The following ANKRD52 variants were observed in gnomAD, a reference collection of about 807,000 sequenced individuals.
The protein encoded by ANKRD52 is serine/threonine-protein phosphatase 6 regulatory ankyrin repeat subunit C.
ANKRD52 carries 7 observed loss-of-function variants against 116.0 expected under a neutral mutation model. That is an observed-to-expected ratio of 0.06 (90% CI 0.03 to 0.11). ANKRD52 has a LOEUF of 0.11. ANKRD52 is among the 10% of genes least tolerant of loss of function. The pLI, the probability that ANKRD52 is intolerant of heterozygous loss-of-function variation, is 1.00. For synonymous variants in ANKRD52, 528 were observed against 578.1 expected (o/e 0.91, Z 1.24); for missense variants, 839 against 1,408.6 (o/e 0.60, Z 6.47).
chr12:56,258,113 C>T, intron 1 of ANKRD52, 130 bp downstream of exon 1: 1 of 1,468,626 alleles, frequency 6.8e-7, no homozygotes, highest in Non-Finnish European at 9.2e-7. Context: ...GAGGGGAGCG[C>T]GGCATGGGGC....
chr12:56,247,488 C>G lies in ANKRD52; in HGVS notation c.2184+5G>C. 6.4e-7 allele frequency: 1 copy of G among 1,565,388 alleles called. No individual in the cohort carries two copies. The highest frequency in any genetic ancestry group is 1.2e-5 in the South Asian group (1 of 85,054). On this transcript the variant is annotated splice_donor_5th_base_variant and intron_variant, in intron 20 of 27. Coordinates refer to ENST00000267116, the MANE Select transcript of ANKRD52 (RefSeq NM_173595.4). ...GCAAACAATCCCCCCTAGAAGCTCA[C>G]TCACCCCGCGGTGGAGGGCAGTGCG... is the stretch of plus-strand genomic sequence containing the variant.
Position 56,243,014 on chromosome 12 carries a change from G to A in ANKRD52, c.*128C>T. 6 of 1,315,448 alleles carry A rather than the reference G, an allele frequency of 4.6e-6. No homozygotes were observed. The highest frequency in any genetic ancestry group is 6.1e-6 in the Non-Finnish European group (6 of 990,400). 81.5% of individuals were successfully genotyped at this position (1,315,448 alleles called of 1,614,324 possible). A position where few individuals can be genotyped will look rare whatever the true frequency, so the allele number is the denominator to read the frequency against. On this transcript the variant is annotated 3_prime_UTR_variant, in exon 28 of 28. Transcript: ENST00000267116. The surrounding 1 kb of genome is among the most constrained non-coding windows in gnomAD (Gnocchi z 4.6). The stretch of plus-strand genomic sequence containing the variant: ...AAAGGGGTGAGCAGCTGCTCCCCAG[G>A]GCTTCCTTCCCCTCCGCCCCCTCCA...
rs773361500 is a variant in ANKRD52, at chr12:56,254,641, G to C, written c.630C>G (p.Leu210=). The part of the protein sequence containing the change: ...GCKDRKGYGL[L]HTAAASGQIE... ...TCTGGCCACTGGCAGCAGCTGTATG[G>C]AGCAGCCCATAGCCCTTGCGGTCCT... Residue 210 remains leucine, a synonymous_variant, in exon 7 of 28, where the codon CTC becomes CTG. Coordinates refer to ENST00000267116, the MANE Select transcript of ANKRD52 (RefSeq NM_173595.4). The surrounding 1 kb of genome is among the most constrained non-coding windows in gnomAD (Gnocchi z 4.6). 1 of 1,613,950 alleles carries C rather than the reference G, an allele frequency of 6.2e-7. No individual in the cohort carries two copies. Among genetic ancestry groups the C allele is most frequent in the South Asian group, 1.1e-5 (1 of 91,076 alleles).
At position 56,253,495 on chromosome 12, in the gene ANKRD52, G is replaced by C; in HGVS notation, c.986-93C>G. 9.7e-7 allele frequency: 1 copy of C among 1,035,498 alleles called. No homozygotes were observed. Among genetic ancestry groups the C allele is most frequent in the Non-Finnish European group, 1.5e-6 (1 of 674,366 alleles). 64.1% of individuals were successfully genotyped at this position (1,035,498 alleles called of 1,614,324 possible). A position where few individuals can be genotyped will look rare whatever the true frequency, so the allele number is the denominator to read the frequency against. On this transcript the variant is annotated intron_variant, in intron 9 of 27. Transcript: ENST00000267116. The surrounding 1 kb of genome is among the most constrained non-coding windows in gnomAD (Gnocchi z 5.5). ...CATGATTTGAGTGCCTACTATGTAT[G>C]CATCAGGTGCCAGGCCCAGGATTCT...
intron 4 of ANKRD52, 145 bp from the exon 5 acceptor site, chr12:56,256,129 G>A: frequency 1.3e-6 from 1 of 775,010 alleles, no homozygotes. Context: ...CCTAGCCTCT[G>A]AATACCTACT....
intron 20 of ANKRD52, among the ~76,000 whole-genome samples, chr12:56,246,966 AT>A (rs879834670): frequency 1.3e-4 from 19 of 144,450 alleles, no homozygotes; most frequent in East Asian, 5.9e-4. Flanking sequence ...AATAATAATA[AT>A]AATAATAAAC....
rs1872052822 is a variant in ANKRD52, at chr12:56,258,108, G to C, written c.27+135C>G. 55 of 1,464,148 alleles carry C rather than the reference G, an allele frequency of 3.8e-5. 2 individuals carry two copies. The South Asian group carries it at 6.9e-4, about 18-fold the overall frequency. 90.7% of individuals were successfully genotyped at this position (1,464,148 alleles called of 1,614,324 possible). The stretch of plus-strand genomic sequence containing the variant: ...CCAAGGACACCGGCTCGGTTGAGGG[G>C]AGCGCGGCATGGGGCGGGGCGGGAG... On this transcript the variant is annotated intron_variant, in intron 1 of 27. Coordinates refer to ENST00000267116, the MANE Select transcript of ANKRD52 (RefSeq NM_173595.4).
rs920978336 is a variant in ANKRD52 at position 56,254,804 on chromosome 12, C to T, written c.550+61G>A. 1 of 1,601,382 alleles carries T rather than the reference C, an allele frequency of 6.2e-7. No homozygotes were observed. The highest frequency in any genetic ancestry group is 8.6e-7 in the Non-Finnish European group (1 of 1,169,066). ...CCTCTCTTCAAAGGCTGCAACCCCA[C>T]ATCCCTGCCCTAGGAATCCTAAATG... is the stretch of plus-strand genomic sequence containing the variant. On this transcript the variant is annotated intron_variant, in intron 6 of 27. Transcript: ENST00000267116. The surrounding 1 kb of genome is among the most constrained non-coding windows in gnomAD (Gnocchi z 4.6).
In ANKRD52 at chr12:56,254,961, G is replaced by A. The variant is rs1183660428; in HGVS notation, c.463-9C>T. 3 of 1,609,392 alleles carry A rather than the reference G, an allele frequency of 1.9e-6. No individual in the cohort carries two copies. Among genetic ancestry groups the A allele is most frequent in the Admixed American group, 3.3e-5 (2 of 59,950 alleles). Reference sequence around the variant, plus strand: ...AGGAGCAGGTTCACCGTCTGCATCAGGATATGAAAGACACCTGTTCAGAGC... The same window carrying A: ...AGGAGCAGGTTCACCGTCTGCATCAAGATATGAAAGACACCTGTTCAGAGC... On this transcript the variant is annotated splice_polypyrimidine_tract_variant and intron_variant, in intron 5 of 27. Transcript: ENST00000267116. The surrounding 1 kb of genome is among the most constrained non-coding windows in gnomAD (Gnocchi z 4.6).
chr12:56,244,439 C>A lies in ANKRD52; in HGVS notation c.2723-4G>T. On this transcript the variant is annotated splice_polypyrimidine_tract_variant and splice_region_variant and intron_variant, in intron 24 of 27. Coordinates refer to ENST00000267116, the MANE Select transcript of ANKRD52 (RefSeq NM_173595.4). This position sits in a 1 kb window ranked among gnomAD's most constrained non-coding sequence, Gnocchi z 4.9. ...TTCCCTCGATACAGCAGAAATTCTA[C>A]GAGAGAAATGTGATAGAGGGACTGA... The A allele has an allele frequency of 6.2e-7, 1 of 1,613,856 alleles. No homozygotes were observed. The highest frequency in any genetic ancestry group is 8.5e-7 in the Non-Finnish European group (1 of 1,179,834).
intron 15 of ANKRD52, among the ~76,000 whole-genome samples, chr12:56,249,355 A>G (rs1871575609): frequency 6.6e-6 from 1 of 152,148 alleles, no homozygotes; most frequent in Admixed American, 6.5e-5. Flanking sequence ...ATACCTTAGT[A>G]GTAGTTGTAG....
Position 56,254,822 on chromosome 12 carries a change from C to T in ANKRD52, c.550+43G>A. On this transcript the variant is annotated intron_variant, in intron 6 of 27. Coordinates refer to ENST00000267116, the MANE Select transcript of ANKRD52 (RefSeq NM_173595.4). This position sits in a 1 kb window ranked among gnomAD's most constrained non-coding sequence, Gnocchi z 4.6. ...AACCCCACATCCCTGCCCTAGGAAT[C>T]CTAAATGTCAAATTTCTGATTTTCC... 4 of 1,606,070 alleles carry T rather than the reference C, an allele frequency of 2.5e-6. No homozygotes were observed. In the South Asian group the frequency reaches 4.4e-5, roughly 18 times the overall value.
chr12:56,256,532 G>T (rs1192561906), intron 4 of ANKRD52, among the ~76,000 whole-genome samples: 1 of 152,228 alleles, frequency 6.6e-6, no homozygotes, highest in East Asian at 1.9e-4. Flanking sequence ...AGCCAGGGAA[G>T]TGATGAACTG....
Position 56,245,198 on chromosome 12 carries a change from C to T in ANKRD52, c.2405-8G>A, listed in dbSNP as rs370244694. The T allele has an allele frequency of 4.5e-5, 72 of 1,613,778 alleles. No homozygotes were observed. The highest frequency in any genetic ancestry group is 5.8e-5 in the Non-Finnish European group (68 of 1,179,874). On this transcript the variant is annotated splice_polypyrimidine_tract_variant and splice_region_variant and intron_variant, in intron 21 of 27. Transcript: ENST00000267116. The stretch of plus-strand genomic sequence containing the variant: ...CCAGACAATCTTCATGTCCTGGGCA[C>T]GAGGAAGGAAGAGTAGTGATGGAGA...
At position 56,253,435 on chromosome 12, in the gene ANKRD52, A is replaced by G. The variant is rs1342769797; in HGVS notation, c.986-33T>C. 6.4e-7 allele frequency: 1 copy of G among 1,567,404 alleles called. No homozygotes were observed. The highest frequency in any genetic ancestry group is 2.2e-5 in the East Asian group (1 of 44,586). On this transcript the variant is annotated intron_variant, in intron 9 of 27. Coordinates refer to ENST00000267116, the MANE Select transcript of ANKRD52 (RefSeq NM_173595.4). This position sits in a 1 kb window ranked among gnomAD's most constrained non-coding sequence, Gnocchi z 5.5. ...GGGATGCACACACACAAGCTCAGGC[A>G]GACCTCAGGCTTAAGACCACTTTCG...
chr12:56,239,934 G>T lies in ANKRD52; in HGVS notation c.*3208C>A, dbSNP rs1871089076. 6.6e-6 allele frequency: 1 copy of T among 152,412 alleles called. No homozygotes were observed. The highest frequency in any genetic ancestry group is 2.4e-5 in the African/African-American group (1 of 41,440). The allele number at this position is 152,412 out of a possible 1,614,324, so 9.4% of individuals were successfully genotyped here. ...AGGGGCCATGGCTGGGGTTGGAGAGGGAGGTAGGCCCTCCTCAGCCCCTCC... is the reference window on the plus strand; with the variant it reads ...AGGGGCCATGGCTGGGGTTGGAGAGTGAGGTAGGCCCTCCTCAGCCCCTCC... On this transcript the variant is annotated 3_prime_UTR_variant, in exon 28 of 28. Transcript: ENST00000267116.
intron 18 of ANKRD52, 45 bp downstream of exon 18, chr12:56,247,978 T>G (rs1871497535): frequency 1.3e-6 from 2 of 1,537,030 alleles, no homozygotes; most frequent in African/African-American, 1.4e-5. Flanking sequence ...CCAGGAGGGA[T>G]CTGGCATGGC....
chr12:56,248,815 C>T lies in ANKRD52; in HGVS notation c.1648G>A (p.Gly550Ser), dbSNP rs201680602. ...GCTGCATAGTGCACAGCTGTGTAGCCCTGCCTGTCCCGCAGGGAGGGGTCT... is the reference window on the plus strand; with the variant it reads ...GCTGCATAGTGCACAGCTGTGTAGCTCTGCCTGTCCCGCAGGGAGGGGTCT... ...GADPSLRDRQ[G>S]YTAVHYAAAY... The change falls in exon 16 of 28, where the codon GGC (glycine) becomes AGC (serine). Residue 550 changes from glycine to serine, a missense_variant. Coordinates refer to ENST00000267116, the MANE Select transcript of ANKRD52 (RefSeq NM_173595.4). The surrounding 1 kb of genome is among the most constrained non-coding windows in gnomAD (Gnocchi z 5.1). The T allele has an allele frequency of 1.0e-3, 1,611 of 1,611,688 alleles. 2 individuals carry two copies. The highest frequency in any genetic ancestry group is 4.1e-3 in the Middle Eastern group (25 of 6,054).
chr12:56,249,400 A>C (rs187881372), intron 15 of ANKRD52, among the ~76,000 whole-genome samples: 23 of 152,284 alleles, frequency 1.5e-4, no homozygotes, highest in Non-Finnish European at 1.2e-4. Context: ...ACTTACTGTC[A>C]AGCACAGTTC....
Sources: gnomAD v4.1 joint callset for allele counts (sites outside exome capture counted in the v4.1 genomes callset) on GRCh38, gnomAD v4.1.1 for gene constraint, Gnocchi (gnomAD v3.1) non-coding constraint, MANE v1.5 for transcripts, NCBI Gene and HGNC (gene_info 2026-07-23, HGNC 2026-07-21) for gene names.